The following DRC1 variants were observed in gnomAD, a reference collection of about 807,000 sequenced individuals.
The protein encoded by DRC1 is dynein regulatory complex protein 1.
In DRC1, 74 loss-of-function variants were observed where a neutral mutation model predicts 98.7. The observed-to-expected ratio is 0.75, with a 90% CI of 0.62 to 0.91. The LOEUF (loss-of-function observed/expected upper bound fraction) is 0.91. DRC1 is among the 40% of genes least tolerant of loss of function. DRC1 has a pLI of 0.00. For missense variants in DRC1, 875 were observed against 886.0 expected (o/e 0.99, Z 0.16); for synonymous variants, 336 against 334.1 (o/e 1.01, Z -0.06).
intron 4 of DRC1, among the ~76,000 whole-genome samples, chr2:26,428,824 C>T (rs1345845630): frequency 6.6e-6 from 1 of 152,132 alleles, no homozygotes; most frequent in African/African-American, 2.4e-5. Flanking sequence ...GTATTATAAT[C>T]CTATGGGACC....
At chr2:26,432,029 G>T (rs1351587563) in intron 7 of DRC1, 23 bp downstream of exon 7, 2 of 1,609,952 alleles carry the variant, frequency 1.2e-6, no homozygotes, top group Middle Eastern at 1.7e-4. Flanking sequence ...GTCCTCACTA[G>T]GGTGCCTGGG....
At chr2:26,432,665 A>G (rs1663466877) in intron 7 of DRC1, among the ~76,000 whole-genome samples, 1 of 152,240 alleles carries the variant, frequency 6.6e-6, no homozygotes, top group Non-Finnish European at 1.5e-5. Flanking sequence ...TCTGGAAGCC[A>G]TTTTCTCCTG....
intron 1 of DRC1, among the ~76,000 whole-genome samples, chr2:26,413,103 T>C (rs997275230): frequency 1.3e-5 from 2 of 152,266 alleles, no homozygotes; most frequent in South Asian, 4.1e-4. Flanking sequence ...AAAAAGAAAA[T>C]GTGTATTATA....
At chr2:26,418,116 C>T (rs1050996358) in intron 2 of DRC1, among the ~76,000 whole-genome samples, 5 of 152,004 alleles carry the variant, frequency 3.3e-5, no homozygotes, top group African/African-American at 1.2e-4. Context: ...TAGACTTGTC[C>T]CATGTCCCTT....
intron 1 of DRC1, among the ~76,000 whole-genome samples, chr2:26,412,896 C>T (rs1678664734): frequency 3.9e-5 from 6 of 152,180 alleles, no homozygotes; most frequent in Admixed American, 3.3e-4. Context: ...CATTCTCCTG[C>T]CTCAGCCTCC....
chr2:26,436,006 C>T (rs1342551610), intron 7 of DRC1, among the ~76,000 whole-genome samples: 2 of 152,046 alleles, frequency 1.3e-5, no homozygotes, highest in African/African-American at 2.4e-5. Context: ...ATGGTAGCTC[C>T]GTTTTACGTT....
chr2:26,430,437 C>A, intron 5 of DRC1: 1 of 459,198 alleles, frequency 2.2e-6, no homozygotes, highest in Non-Finnish European at 4.5e-6. Flanking sequence ...ACCATGGCAA[C>A]GAACGCATCA....
intron 13 of DRC1, 33 bp from the exon 14 acceptor site, chr2:26,453,287 C>G (rs1664053629): frequency 3.7e-6 from 6 of 1,612,236 alleles, no homozygotes; most frequent in Non-Finnish European, 5.1e-6. Context: ...TCGTGTGTCC[C>G]CAGCCCACAG....
At chr2:26,448,570 A>G in intron 10 of DRC1, 121 bp from the exon 11 acceptor site, 1 of 1,020,230 alleles carries the variant, frequency 9.8e-7, no homozygotes. Context: ...AGAATGCCTC[A>G]CAGAGGCTTT....
intron 9 of DRC1, 147 bp downstream of exon 9, chr2:26,444,503 C>A: frequency 8.4e-7 from 1 of 1,189,200 alleles, no homozygotes; most frequent in Non-Finnish European, 1.2e-6. Flanking sequence ...GTGGTGTGTT[C>A]CCCTGGCCCT....
intron 7 of DRC1, among the ~76,000 whole-genome samples, chr2:26,432,500 A>AAGAGAGAAAGGG (rs1432788502): frequency 6.9e-6 from 1 of 144,480 alleles, no homozygotes; most frequent in Non-Finnish European, 1.5e-5. Flanking sequence ...CTTTGTGAGA[A>AAGAGAGAAAGGG]AGAGAGAAAG....
At chr2:26,416,075 G>A (rs2147981145) in intron 2 of DRC1, among the ~76,000 whole-genome samples, 2 of 152,088 alleles carry the variant, frequency 1.3e-5, no homozygotes, top group East Asian at 3.9e-4. Flanking sequence ...AGATAATATT[G>A]TTTTCATTAG....
At chr2:26,438,317 T>C (rs1663627387) in intron 7 of DRC1, among the ~76,000 whole-genome samples, 1 of 152,196 alleles carries the variant, frequency 6.6e-6, no homozygotes, top group South Asian at 2.1e-4. Context: ...CTTTCTCCTA[T>C]GTCTTCTTTT....
At chr2:26,411,408 TC>T (rs1678604453) in intron 1 of DRC1, among the ~76,000 whole-genome samples, 1 of 152,208 alleles carries the variant, frequency 6.6e-6, no homozygotes, top group Non-Finnish European at 1.5e-5. Context: ...GTCTTCAAAA[TC>T]CATCTAGAGT....
intron 16 of DRC1, among the ~76,000 whole-genome samples, chr2:26,455,992 C>T (rs1664155378): frequency 1.3e-5 from 2 of 152,214 alleles, no homozygotes; most frequent in Admixed American, 1.3e-4. Flanking sequence ...GCTGCGTGGC[C>T]CCAGCACAGT....
At chr2:26,418,743 T>A (rs538085978) in intron 2 of DRC1, among the ~76,000 whole-genome samples, 1,704 of 101,758 alleles carry the variant, frequency 0.017, 57 homozygotes, top group African/African-American at 0.059. Context: ...AATTTATATA[T>A]AATATAAATT....
intron 1 of DRC1, among the ~76,000 whole-genome samples, chr2:26,413,846 T>C (rs1324336802): frequency 6.6e-6 from 1 of 152,032 alleles, no homozygotes; most frequent in Non-Finnish European, 1.5e-5. Flanking sequence ...CAAAGATGGG[T>C]TTTCTATGCT....
Position 26,414,368 on chromosome 2 carries a change from T to C in DRC1, c.180T>C (p.Asp60=). The change falls in exon 2 of 17, where the codon GAT becomes GAC. Residue 60 remains aspartate (D), a synonymous_variant. Coordinates refer to ENST00000288710, the MANE Select transcript of DRC1 (RefSeq NM_145038.5). The stretch of plus-strand genomic sequence containing the variant: ...GGGAAGCACTTGGAGAATATTTAGA[T>C]GGGAAGAAGGAGAGTGAGGAGGATC... ...RRREALGEYL[D]GKKESEEDQS... is the part of the protein sequence containing the mutation. 6.2e-7 allele frequency: 1 copy of C among 1,613,868 alleles called. No individual in the cohort carries two copies.
chr2:26,422,323 G>A lies in DRC1; in HGVS notation c.356+923G>A, dbSNP rs181054728. ...AATTGGTGAGAATGACCAGACCCACGAATACCTCAGTGTTATGTGTAAAGG... is the reference window on the plus strand; with the variant it reads ...AATTGGTGAGAATGACCAGACCCACAAATACCTCAGTGTTATGTGTAAAGG... On this transcript the variant is annotated intron_variant, in intron 3 of 16. Transcript: ENST00000288710. Among the ~76,000 whole-genome samples, 98 of 152,280 alleles carry A rather than the reference G, an allele frequency of 6.4e-4. 1 individual carries two copies. Among genetic ancestry groups the A allele is most frequent in the South Asian group, 6.2e-4 (3 of 4,820 alleles).
Sources: gnomAD v4.1 joint callset for allele counts (sites outside exome capture counted in the v4.1 genomes callset) on GRCh38, gnomAD v4.1.1 for gene constraint, MANE v1.5 for transcripts, NCBI Gene and HGNC (gene_info 2026-07-23, HGNC 2026-07-21) for gene names.